Variants in ASIC2 observed in about 807,000 individuals in gnomAD.
ASIC2 encodes acid sensing ion channel subunit 2, also known as acid-sensing ion channel 2.
In ASIC2, 25 loss-of-function variants were observed where a neutral mutation model predicts 57.3. That is an observed-to-expected ratio of 0.44 (90% CI 0.32 to 0.61). ASIC2 has a LOEUF of 0.61. Among genes scored for constraint, ASIC2 ranks in the 20% least tolerant of loss-of-function variants. The pLI, the probability that ASIC2 is intolerant of heterozygous loss-of-function variation, is 0.06. For missense variants in ASIC2, 641 were observed against 738.1 expected (o/e 0.87, Z 1.52); for synonymous variants, 319 against 307.5 (o/e 1.04, Z -0.39).
At chr17:33,981,546 A>G (rs1417474949) in intron 1 of ASIC2, among the ~76,000 whole-genome samples, 1 of 152,198 alleles carries the variant, frequency 6.6e-6, no homozygotes, top group Non-Finnish European at 1.5e-5. Context: ...ACCAGGACTT[A>G]AACCCTGGTC....
intron 1 of ASIC2, among the ~76,000 whole-genome samples, chr17:33,737,424 T>C (rs895114915): frequency 5.9e-5 from 9 of 152,152 alleles, no homozygotes; most frequent in Non-Finnish European, 1.3e-4. Context: ...CCTGTCTCTT[T>C]CCTGAATGGG....
At chr17:33,418,493 T>A (rs1369789073) in intron 1 of ASIC2, among the ~76,000 whole-genome samples, 2 of 152,236 alleles carry the variant, frequency 1.3e-5, no homozygotes, top group African/African-American at 4.8e-5. Context: ...AGGGTTTTTA[T>A]GGTTTTAGGT....
intron 1 of ASIC2, among the ~76,000 whole-genome samples, chr17:33,441,536 A>C (rs1911821760): frequency 6.6e-6 from 1 of 152,182 alleles, no homozygotes; most frequent in Non-Finnish European, 1.5e-5. Context: ...GGGCTTCAGG[A>C]CATGCTGCCC....
At chr17:33,343,064 G>A (rs2142239280) in intron 1 of ASIC2, among the ~76,000 whole-genome samples, 1 of 152,356 alleles carries the variant, frequency 6.6e-6, no homozygotes, top group African/African-American at 2.4e-5. Flanking sequence ...GGAAGGCTAA[G>A]TCTGGTCAGG....
At chr17:33,345,469 T>A (rs76050964) in intron 1 of ASIC2, among the ~76,000 whole-genome samples, 7,711 of 152,074 alleles carry the variant, frequency 0.051, 288 homozygotes, top group Non-Finnish European at 0.069. Flanking sequence ...TGGGCTCCCT[T>A]AAGAAAAAAA....
At chr17:33,616,843 A>G (rs1265687499) in intron 1 of ASIC2, among the ~76,000 whole-genome samples, 1 of 152,212 alleles carries the variant, frequency 6.6e-6, no homozygotes, top group Admixed American at 6.5e-5. Context: ...CCTTCAACAG[A>G]TAGTGGATAT....
chr17:33,292,561 G>A lies in ASIC2; in HGVS notation c.-446C>T, dbSNP rs1905537574. The A allele has an allele frequency of 3.0e-6, 3 of 985,706 alleles. No homozygotes were observed. The highest frequency in any genetic ancestry group is 1.2e-4 in the Admixed American group (2 of 16,278). The allele number at this position is 985,706 out of a possible 1,614,324, so 61.1% of individuals were successfully genotyped here. A position where few individuals can be genotyped will look rare whatever the true frequency, so the allele number is the denominator to read the frequency against. ...ACCCCAGCTTTTACGCTGGTCCTGGGAGAAGGGCCACTCGGCCACCATGCC... is the reference window on the plus strand; with the variant it reads ...ACCCCAGCTTTTACGCTGGTCCTGGAAGAAGGGCCACTCGGCCACCATGCC... On this transcript the variant is annotated 5_prime_UTR_variant, in exon 1 of 10. Transcript: ENST00000225823.
chr17:33,151,047 T>G (rs1322781807), intron 1 of ASIC2, among the ~76,000 whole-genome samples: 1 of 149,932 alleles, frequency 6.7e-6, no homozygotes, highest in South Asian at 2.1e-4. Flanking sequence ...AAATAAAGAA[T>G]GCTGGGTGTA....
chr17:33,108,718 C>T (rs952478704), intron 2 of ASIC2, among the ~76,000 whole-genome samples: 3 of 152,162 alleles, frequency 2.0e-5, no homozygotes, highest in Non-Finnish European at 2.9e-5. Flanking sequence ...AAGAAAGGTA[C>T]GATGGAGGGA....
intron 1 of ASIC2, among the ~76,000 whole-genome samples, chr17:33,177,691 C>T (rs1374006199): frequency 1.3e-5 from 2 of 152,228 alleles, no homozygotes; most frequent in Non-Finnish European, 2.9e-5. Context: ...CCTCAAACCC[C>T]TCAGTCTTAG....
intron 1 of ASIC2, among the ~76,000 whole-genome samples, chr17:33,208,043 T>G (rs987425307): frequency 4.6e-5 from 7 of 152,236 alleles, no homozygotes; most frequent in Non-Finnish European, 8.8e-5. Context: ...AAGACTGGTT[T>G]CAGTGATGGC....
intron 1 of ASIC2, among the ~76,000 whole-genome samples, chr17:33,429,345 G>A (rs1469289323): frequency 2.0e-5 from 3 of 152,162 alleles, no homozygotes; most frequent in Non-Finnish European, 4.4e-5. Flanking sequence ...GCACAGAGGA[G>A]AAGTACCTTG....
chr17:33,772,157 G>A (rs1911131624), intron 1 of ASIC2, among the ~76,000 whole-genome samples: 1 of 152,138 alleles, frequency 6.6e-6, no homozygotes. Flanking sequence ...AATATTCTAT[G>A]TAAAAATAGA....
rs143227599 is a variant in ASIC2, at chr17:33,376,539, T to A, written c.556-264472A>T. ...AATTCTGTGCTGGGCATTCTTTAGG[T>A]GTTTTATGCATATCAACACATTCAA... On this transcript the variant is annotated intron_variant, in intron 1 of 9. Transcript: ENST00000359872. Among the ~76,000 whole-genome samples, 529 of 152,310 alleles carry A rather than the reference T, an allele frequency of 3.5e-3. 1 individual carries two copies. Among genetic ancestry groups the A allele is most frequent in the Non-Finnish European group, 5.7e-3 (389 of 68,038 alleles).
intron 3 of ASIC2, among the ~76,000 whole-genome samples, chr17:33,031,020 T>G (rs949578665): frequency 1.9e-4 from 29 of 152,192 alleles, no homozygotes; most frequent in African/African-American, 7.0e-4. Context: ...TGTGCTGACC[T>G]CATAAAATTA....
At chr17:33,971,171 G>A (rs1197486698) in intron 1 of ASIC2, among the ~76,000 whole-genome samples, 1 of 152,198 alleles carries the variant, frequency 6.6e-6, no homozygotes, top group African/African-American at 2.4e-5. Context: ...AGCCGGCTGA[G>A]CACAGAATCC....
intron 1 of ASIC2, among the ~76,000 whole-genome samples, chr17:33,898,296 C>A (rs543998831): frequency 8.2e-6 from 1 of 121,766 alleles, no homozygotes; most frequent in Admixed American, 1.1e-4. Context: ...AGTGCAGTGG[C>A]GGGATCTTGG....
intron 1 of ASIC2, among the ~76,000 whole-genome samples, chr17:33,360,804 T>C (rs2141930870): frequency 6.6e-6 from 1 of 152,290 alleles, no homozygotes; most frequent in South Asian, 2.1e-4. Context: ...TATTAATATA[T>C]TTTTCACTTG....
chr17:33,107,809 C>T (rs968374422), intron 2 of ASIC2, among the ~76,000 whole-genome samples: 1 of 152,198 alleles, frequency 6.6e-6, no homozygotes, highest in South Asian at 2.1e-4. Flanking sequence ...TTAGAATTAT[C>T]CCCAGAAGAG....
Sources: gnomAD v4.1 joint callset for allele counts (sites outside exome capture counted in the v4.1 genomes callset) on GRCh38, gnomAD v4.1.1 for gene constraint, MANE v1.5 for transcripts, NCBI Gene and HGNC (gene_info 2026-07-23, HGNC 2026-07-21) for gene names.